The following FAM178B variants were observed in gnomAD, a reference collection of about 807,000 sequenced individuals.
The protein encoded by FAM178B is protein FAM178B.
Under a neutral mutation model 91.7 loss-of-function variants are expected in FAM178B, and 82 were observed. The ratio of observed to expected loss-of-function variants is 0.89; its 90% CI spans 0.75 to 1.07. FAM178B has a LOEUF of 1.07. FAM178B is among the 50% of genes least tolerant of loss of function. The probability of loss-of-function intolerance (pLI) is 0.00; values close to 1 mark genes in which losing one functional copy is unlikely to be tolerated. For missense variants in FAM178B, 769 were observed against 846.7 expected (o/e 0.91, Z 1.14); for synonymous variants, 368 against 359.4 (o/e 1.02, Z -0.27).
At chr2:96,962,458 AAAG>A (rs869185158) in intron 5 of FAM178B, among the ~76,000 whole-genome samples, 322 of 151,240 alleles carry the variant, frequency 2.1e-3, no homozygotes, top group African/African-American at 7.0e-3. Flanking sequence ...AGAAAGAAAG[AAAG>A]AAAAAAAAGC....
At chr2:96,953,147 A>G (rs2081952905) in intron 6 of FAM178B, among the ~76,000 whole-genome samples, 1 of 152,196 alleles carries the variant, frequency 6.6e-6, no homozygotes, top group Non-Finnish European at 1.5e-5. Flanking sequence ...CCACCCTGAA[A>G]TAGACCTTCG....
chr2:96,971,056 A>G (rs1003311675), intron 3 of FAM178B, among the ~76,000 whole-genome samples: 2 of 151,666 alleles, frequency 1.3e-5, no homozygotes, highest in African/African-American at 4.9e-5. Context: ...GACAGCAAAC[A>G]ACACCACATC....
intron 8 of FAM178B, among the ~76,000 whole-genome samples, chr2:96,944,382 G>C (rs1376780069): frequency 6.6e-6 from 1 of 152,156 alleles, no homozygotes; most frequent in Non-Finnish European, 1.5e-5. Flanking sequence ...AACATGGCAA[G>C]TGACCTCTAA....
chr2:96,893,409 C>T (rs995806357), intron 14 of FAM178B, among the ~76,000 whole-genome samples: 3 of 152,098 alleles, frequency 2.0e-5, no homozygotes, highest in African/African-American at 7.2e-5. Flanking sequence ...TTCAGGAAAG[C>T]TGGGCAATGT....
chr2:96,951,370 G>T lies in FAM178B; in HGVS notation c.993+9C>A, dbSNP rs929502151. On this transcript the variant is annotated intron_variant, in intron 7 of 16. Transcript: ENST00000490605. ...TCCCGCCACCTAGTGGCAGGCCTGC[G>T]GTCCTCACCTGGAACAGCCACTGGA... 4 of 1,543,996 alleles carry T rather than the reference G, an allele frequency of 2.6e-6. No individual in the cohort carries two copies. The Admixed American group carries it at 5.9e-5, about 23-fold the overall frequency.
In FAM178B at chr2:96,923,509, C is replaced by T. The variant is rs1057073613; in HGVS notation, c.1268G>A (p.Ser423Asn). The T allele has an allele frequency of 1.5e-5, 24 of 1,551,504 alleles. No homozygotes were observed. Among genetic ancestry groups the T allele is most frequent in the Non-Finnish European group, 1.9e-5 (22 of 1,146,920 alleles). ...ACTCACCTTGTAGATGTGGCCCAGG[C>T]TGATGTCCAAGGCAATCTCTTGGGG... The part of the protein sequence containing the change: ...DAPQEIALDI[S>N]LGHIYKFLAL... The change falls in exon 10 of 17, where the codon AGC becomes AAC. Residue 423 changes from serine to asparagine, a missense_variant. Physicochemically the swap from Ser to Asn is conservative, Grantham distance 46. Transcript: ENST00000490605.
At chr2:96,945,129 T>G (rs2081801224) in intron 8 of FAM178B, among the ~76,000 whole-genome samples, 2 of 152,222 alleles carry the variant, frequency 1.3e-5, no homozygotes, top group East Asian at 3.8e-4. Flanking sequence ...AATGTGTCTT[T>G]GCTGAATAAA....
chr2:96,972,700 CTG>C (rs2082239213), intron 1 of FAM178B, 94 bp from the exon 2 acceptor site: 1 of 1,237,412 alleles, frequency 8.1e-7, no homozygotes, highest in East Asian at 2.5e-5. Context: ...CCTGGGCCCA[CTG>C]TGCCCAAGAG....
chr2:96,979,188 G>A (rs1426016879), intron 1 of FAM178B, among the ~76,000 whole-genome samples: 1 of 150,566 alleles, frequency 6.6e-6, no homozygotes, highest in African/African-American at 2.5e-5. Context: ...CGTTGGCCAG[G>A]ATGGTCTCCA....
At chr2:96,934,109 C>G (rs2081586732) in intron 8 of FAM178B, among the ~76,000 whole-genome samples, 1 of 152,200 alleles carries the variant, frequency 6.6e-6, no homozygotes, top group African/African-American at 2.4e-5. Context: ...TGCCAGGGAC[C>G]CAGTGGTGAA....
chr2:96,898,958 T>C (rs72811647), intron 13 of FAM178B, among the ~76,000 whole-genome samples: 2,256 of 152,112 alleles, frequency 0.015, 19 homozygotes, highest in Non-Finnish European at 0.02. Context: ...GGAGGAGACA[T>C]TGGGAAAGGG....
intron 14 of FAM178B, among the ~76,000 whole-genome samples, chr2:96,881,889 T>A (rs2080394536): frequency 6.6e-6 from 1 of 152,134 alleles, no homozygotes; most frequent in Non-Finnish European, 1.5e-5. Flanking sequence ...TGCCACTGCC[T>A]GGAGGCTGGG....
chr2:96,958,067 CTTTTTTTTT>C (rs66515058), intron 6 of FAM178B, among the ~76,000 whole-genome samples: 1 of 101,382 alleles, frequency 9.9e-6, no homozygotes, highest in African/African-American at 3.2e-5. Flanking sequence ...TTTGAAGAAT[CTTTTTTTTT>C]TTTTTTTTTT....
At chr2:96,951,505 G>C (rs1210370918) in intron 6 of FAM178B, 21 bp from the exon 7 acceptor site, 1 of 1,532,816 alleles carries the variant, frequency 6.5e-7, no homozygotes, top group Non-Finnish European at 8.9e-7. Context: ...GAGGGCTGAG[G>C]TTAGGGGAGG....
chr2:96,897,970 C>T (rs1230657746), intron 13 of FAM178B: 1 of 985,402 alleles, frequency 1.0e-6, no homozygotes, highest in Admixed American at 6.1e-5. Context: ...CCAACGTGTG[C>T]TTCTGCTCCT....
At chr2:96,897,882 T>C in intron 13 of FAM178B, 1 of 879,364 alleles carries the variant, frequency 1.1e-6, no homozygotes, top group South Asian at 5.3e-5. Context: ...CACCGTAGCC[T>C]TGAGGCTCTG....
chr2:96,966,127 TC>T (rs2082139703), intron 5 of FAM178B, among the ~76,000 whole-genome samples: 1 of 151,848 alleles, frequency 6.6e-6, no homozygotes, highest in South Asian at 2.1e-4. Flanking sequence ...GCCCCTGGCC[TC>T]CCTCACCTCC....
Position 96,986,513 on chromosome 2 carries a change from G to A in FAM178B, c.-200C>T, listed in dbSNP as rs1472070116. ...GATCCAGTTCTGGGGATTGAGTTCC[G>A]ACTCCAAACCAAGCGGCCAGCTCAC... On this transcript the variant is annotated 5_prime_UTR_variant, in exon 1 of 17. Transcript: ENST00000490605. The A allele has an allele frequency of 1.5e-6, 1 of 646,664 alleles. No homozygotes were observed. Among genetic ancestry groups the A allele is most frequent in the Non-Finnish European group, 2.5e-6 (1 of 395,472 alleles). The allele number at this position is 646,664 out of a possible 1,614,324, so 40.1% of individuals were successfully genotyped here. A position where few individuals can be genotyped will look rare whatever the true frequency, so the allele number is the denominator to read the frequency against.
intron 1 of FAM178B, among the ~76,000 whole-genome samples, chr2:96,985,856 A>C (rs2082416520): frequency 6.6e-6 from 1 of 152,106 alleles, no homozygotes; most frequent in East Asian, 1.9e-4. Flanking sequence ...AGCATCATAA[A>C]CTCCACATCC....
Sources: allele counts gnomAD v4.1 joint callset (sites outside exome capture counted in the v4.1 genomes callset), GRCh38; gene constraint gnomAD v4.1.1; transcripts MANE v1.5; gene names NCBI Gene and HGNC (gene_info 2026-07-23, HGNC 2026-07-21).